SH3KBP1: variants seen among roughly 807,000 people sequenced by gnomAD.
The protein encoded by SH3KBP1 is SH3 domain containing kinase binding protein 1.
In SH3KBP1, 8 loss-of-function variants were observed where a neutral mutation model predicts 50.1. The ratio of observed to expected loss-of-function variants is 0.16; its 90% confidence interval spans 0.09 to 0.29. SH3KBP1 has a LOEUF of 0.29. Ranked by LOEUF, SH3KBP1 falls within the 10% of genes least tolerant of loss-of-function variation. The probability of loss-of-function intolerance (pLI) is 1.00; values close to 1 mark genes in which losing one functional copy is unlikely to be tolerated. For synonymous variants in SH3KBP1, 227 were observed against 218.6 expected (o/e 1.04, Z -0.34); for missense variants, 377 against 535.2 (o/e 0.70, Z 2.92).
intron 1 of SH3KBP1, among the ~76,000 whole-genome samples, chrX:19,842,512 C>A (rs1191041446): frequency 9.0e-6 from 1 of 111,199 alleles, no homozygotes; most frequent in Non-Finnish European, 1.9e-5. Flanking sequence ...GGTGACAGAG[C>A]AAGAATCCAT....
chrX:19,784,056 G>C (rs1424815557), intron 2 of SH3KBP1, among the ~76,000 whole-genome samples: 1 of 111,883 alleles, frequency 8.9e-6, no homozygotes, highest in East Asian at 2.8e-4. Flanking sequence ...ACGACCATCT[G>C]GTTGCTAACA....
intron 2 of SH3KBP1, among the ~76,000 whole-genome samples, chrX:19,824,363 T>C (rs896301281): frequency 1.8e-5 from 2 of 112,033 alleles, no homozygotes; most frequent in Admixed American, 9.5e-5. Flanking sequence ...ATTAAAAACA[T>C]GGTACTGCCC....
intron 2 of SH3KBP1, among the ~76,000 whole-genome samples, chrX:19,782,960 A>G (rs894873188): frequency 1.2e-4 from 13 of 111,449 alleles, no homozygotes; most frequent in Non-Finnish European, 2.1e-4. Flanking sequence ...AAAAACAACA[A>G]CAAAAATCAG....
intron 1 of SH3KBP1, among the ~76,000 whole-genome samples, chrX:19,878,505 TGAGAGAGA>T (rs57445899): frequency 0.014 from 677 of 48,197 alleles, 7 homozygotes; most frequent in African/African-American, 0.034. Flanking sequence ...TGTGTGTGTG[TGAGAGAGA>T]GAGAGAGAGA....
intron 5 of SH3KBP1, among the ~76,000 whole-genome samples, chrX:19,689,178 A>T (rs1407506790): frequency 1.8e-5 from 2 of 112,259 alleles, no homozygotes. Flanking sequence ...GAAGACTAAC[A>T]AAGTTTCAAA....
At chrX:19,765,866 G>A (rs1379079708) in intron 2 of SH3KBP1, among the ~76,000 whole-genome samples, 1 of 111,746 alleles carries the variant, frequency 8.9e-6, no homozygotes, top group East Asian at 2.8e-4. Flanking sequence ...AGGTTCAACC[G>A]CATTGTAGCA....
intron 1 of SH3KBP1, among the ~76,000 whole-genome samples, chrX:19,845,083 A>C (rs780220772): frequency 1.8e-5 from 2 of 111,282 alleles, no homozygotes; most frequent in Non-Finnish European, 3.8e-5. Flanking sequence ...CGTCTCAAAA[A>C]ATAGAATATC....
At chrX:19,617,693 A>G (rs965270672) in intron 8 of SH3KBP1, among the ~76,000 whole-genome samples, 1 of 112,019 alleles carries the variant, frequency 8.9e-6, no homozygotes, top group Non-Finnish European at 1.9e-5. Context: ...AATGGCGCAC[A>G]CATAAAATAG....
At chrX:19,558,699 TTC>T (rs1488248696) in intron 13 of SH3KBP1, among the ~76,000 whole-genome samples, 1 of 112,402 alleles carries the variant, frequency 8.9e-6, no homozygotes, top group Non-Finnish European at 1.9e-5. Flanking sequence ...TTAAGATTTT[TTC>T]TTTCCTGAAA....
intron 13 of SH3KBP1, among the ~76,000 whole-genome samples, chrX:19,566,777 T>C (rs537331757): frequency 8.9e-6 from 1 of 112,061 alleles, no homozygotes; most frequent in South Asian, 3.7e-4. Flanking sequence ...GGGCTGAGGA[T>C]GTAAACGAGC....
At chrX:19,688,412 T>C (rs1338331688) in intron 5 of SH3KBP1, among the ~76,000 whole-genome samples, 1 of 112,135 alleles carries the variant, frequency 8.9e-6, no homozygotes, top group East Asian at 2.8e-4. Flanking sequence ...GTGTCAGTCA[T>C]GAAACTGTAC....
intron 2 of SH3KBP1, among the ~76,000 whole-genome samples, chrX:19,807,782 G>A (rs1028542153): frequency 6.2e-5 from 7 of 112,175 alleles, no homozygotes; most frequent in African/African-American, 2.3e-4. Flanking sequence ...TTTGATCGTT[G>A]CAGCAGCTAT....
intron 2 of SH3KBP1, among the ~76,000 whole-genome samples, chrX:19,801,647 G>A (rs2066895300): frequency 8.9e-6 from 1 of 111,956 alleles, no homozygotes; most frequent in South Asian, 3.7e-4. Context: ...GGTTTCTTTT[G>A]GGGGTGATGG....
chrX:19,554,551 G>A (rs1385036005), intron 13 of SH3KBP1, among the ~76,000 whole-genome samples: 3 of 107,422 alleles, frequency 2.8e-5, no homozygotes, highest in East Asian at 2.9e-4. Context: ...ACAGGCACGC[G>A]CCACCACACC....
intron 7 of SH3KBP1, among the ~76,000 whole-genome samples, chrX:19,643,809 G>A (rs752263556): frequency 9.0e-6 from 1 of 111,522 alleles, no homozygotes; most frequent in Non-Finnish European, 1.9e-5. Context: ...GGATGAAGAT[G>A]CTGGGATAAA....
intron 8 of SH3KBP1, among the ~76,000 whole-genome samples, chrX:19,610,315 G>A (rs1263047427): frequency 1.8e-5 from 2 of 111,521 alleles, no homozygotes; most frequent in Non-Finnish European, 1.9e-5. Flanking sequence ...CAGGAGTGGT[G>A]GCAGGATTTG....
At chrX:19,698,812 G>A (rs904811988) in intron 4 of SH3KBP1, among the ~76,000 whole-genome samples, 3 of 111,782 alleles carry the variant, frequency 2.7e-5, no homozygotes, top group East Asian at 2.8e-4. Context: ...ACGAGGACAC[G>A]GACACTGCCA....
In SH3KBP1 at chrX:19,595,132, T is replaced by G. The variant is rs149026850; in HGVS notation, c.1006-132A>C. On this transcript the variant is annotated intron_variant, in intron 9 of 17. Coordinates refer to ENST00000397821, the MANE Select transcript of SH3KBP1 (RefSeq NM_031892.3). ...AACCTCTCCAAAAAAATTGAGCAAT[T>G]CTCTCTCCAGGGACGTCAGTTTTTG... The G allele has an allele frequency of 8.7e-4, 437 of 499,857 alleles. 5 individuals are homozygous for G. In the African/African-American group the frequency reaches 9.3e-3, roughly 11 times the overall value. The allele number at this position is 499,857 out of a possible 1,213,427, so 41.2% of individuals were successfully genotyped here.
At chrX:19,841,394 T>C (rs1297755660) in intron 1 of SH3KBP1, among the ~76,000 whole-genome samples, 3 of 112,546 alleles carry the variant, frequency 2.7e-5, no homozygotes, top group African/African-American at 9.7e-5. Flanking sequence ...CCAGAAAGCA[T>C]GAAGGAGAAT....
Sources: gnomAD v4.1 joint callset for allele counts (sites outside exome capture counted in the v4.1 genomes callset) on GRCh38, gnomAD v4.1.1 for gene constraint, MANE v1.5 for transcripts, NCBI Gene and HGNC (gene_info 2026-07-23, HGNC 2026-07-21) for gene names.